Variants in CNNM2 observed in about 807,000 individuals in gnomAD.
The protein encoded by CNNM2 is cyclin and CBS domain divalent metal cation transport mediator 2, also known as metal transporter CNNM2.
CNNM2 carries 12 observed loss-of-function variants against 66.9 expected under a neutral mutation model. That is an observed-to-expected ratio of 0.18 (90% CI 0.11 to 0.29). The LOEUF (loss-of-function observed/expected upper bound fraction) is 0.29, where lower values mean the gene tolerates loss of function less well. CNNM2 is among the 10% of genes least tolerant of loss of function. The pLI is 1.00. For missense variants in CNNM2, 705 were observed against 1,167.7 expected (o/e 0.60, Z 5.77); for synonymous variants, 557 against 501.8 (o/e 1.11, Z -1.47).
rs66498944 is a variant in CNNM2 at position 102,976,611 on chromosome 10, A to ATTTTTTTTTTTTTTTTTTTTTTTTTT, written c.1621+56513_1621+56538dup. On this transcript the variant is annotated intron_variant, in intron 1 of 7. Transcript: ENST00000369878. ...CAGGTGTGCGCCACACGCCCAGGTAATTTTTTTTTTTTTTTTTTTTTTTTT... is the reference window on the plus strand; with the variant it reads ...CAGGTGTGCGCCACACGCCCAGGTAATTTTTTTTTTTTTTTTTTTTTTTTTTTTTTTTTTTTTTTTTTTTTTTTTTT... Among the ~76,000 whole-genome samples, 25 of 59,442 alleles carry ATTTTTTTTTTTTTTTTTTTTTTTTTT rather than the reference A, an allele frequency of 4.2e-4. 1 individual carries two copies. Among genetic ancestry groups the ATTTTTTTTTTTTTTTTTTTTTTTTTT allele is most frequent in the Non-Finnish European group, 4.6e-4 (15 of 32,936 alleles). The allele number at this position is 59,442 out of a possible 152,430, so 39.0% of individuals were successfully genotyped here. A position where few individuals can be genotyped will look rare whatever the true frequency, so the allele number is the denominator to read the frequency against.
chr10:103,070,760 T>C (rs1357841652), intron 5 of CNNM2, among the ~76,000 whole-genome samples: 1 of 152,248 alleles, frequency 6.6e-6, no homozygotes, highest in East Asian at 1.9e-4. Context: ...TGAAACCCCA[T>C]CTCTACTAAA....
At chr10:103,031,042 G>A (rs2064811001) in intron 1 of CNNM2, among the ~76,000 whole-genome samples, 1 of 152,092 alleles carries the variant, frequency 6.6e-6, no homozygotes, top group South Asian at 2.1e-4. Flanking sequence ...GTAGATTTTA[G>A]GGTTTTCAGT....
chr10:103,076,890 C>A, intron 7 of CNNM2, 81 bp from the exon 8 acceptor site: 1 of 1,271,048 alleles, frequency 7.9e-7, no homozygotes, highest in Non-Finnish European at 1.1e-6. Flanking sequence ...GTGGGCCTGT[C>A]GGGATTGAAC....
intron 1 of CNNM2, among the ~76,000 whole-genome samples, chr10:102,960,646 C>T (rs895981146): frequency 3.3e-5 from 5 of 152,016 alleles, no homozygotes; most frequent in Non-Finnish European, 5.9e-5. Flanking sequence ...GAGACAAGAC[C>T]TCACTTTGTT....
Position 103,084,550 on chromosome 10 carries a change from G to T in CNNM2, c.*7370G>T, listed in dbSNP as rs1203704659. On this transcript the variant is annotated 3_prime_UTR_variant, in exon 8 of 8. Transcript: ENST00000369878. ...CCTCCTGCCTTGGTTTGTTTTTCCT[G>T]TTTTACTCACTTGGTCTAGATGAGC... The T allele has an allele frequency of 6.6e-6, 1 of 152,138 alleles. No individual in the cohort carries two copies. The highest frequency in any genetic ancestry group is 1.5e-5 in the Non-Finnish European group (1 of 68,028). The allele number at this position is 152,138 out of a possible 1,614,324, so 9.4% of individuals were successfully genotyped here.
chr10:103,016,978 CTT>C (rs74439005), intron 1 of CNNM2, among the ~76,000 whole-genome samples: 8 of 142,254 alleles, frequency 5.6e-5, no homozygotes, highest in Admixed American at 7.1e-5. Context: ...GTTTTGTTTC[CTT>C]TTTTTTTTTT....
At chr10:102,939,369 C>A (rs543284893) in intron 1 of CNNM2, among the ~76,000 whole-genome samples, 1 of 152,256 alleles carries the variant, frequency 6.6e-6, no homozygotes, top group South Asian at 2.1e-4. Flanking sequence ...CATCTTTAAT[C>A]CTCTACAATC....
At chr10:102,983,514 CT>C (rs1451668931) in intron 1 of CNNM2, among the ~76,000 whole-genome samples, 5 of 150,928 alleles carry the variant, frequency 3.3e-5, no homozygotes, top group African/African-American at 1.2e-4. Context: ...ACAAAAATTA[CT>C]GCAGCCTTGA....
intron 1 of CNNM2, among the ~76,000 whole-genome samples, chr10:103,007,196 G>T (rs897041274): frequency 1.3e-5 from 2 of 152,152 alleles, no homozygotes; most frequent in African/African-American, 2.4e-5. Context: ...GGGCCTGTAC[G>T]AACAGGGAGT....
rs575938926 is a variant in CNNM2 at position 102,987,737 on chromosome 10, G to A, written c.1622-61970G>A. Among the ~76,000 whole-genome samples, 16 of 152,190 alleles carry A rather than the reference G, an allele frequency of 1.1e-4. No individual in the cohort carries two copies. In the South Asian group the frequency reaches 2.3e-3, roughly 22 times the overall value. On this transcript the variant is annotated intron_variant, in intron 1 of 7. Transcript: ENST00000369878. ...TTTCATAGAATACATAGTCAAAAAT[G>A]GTTTGCAACCTCTGCTCTAACAAAA...
chr10:102,991,492 G>C (rs2063896954), intron 1 of CNNM2, among the ~76,000 whole-genome samples: 1 of 152,136 alleles, frequency 6.6e-6, no homozygotes. Flanking sequence ...GATTTGAACT[G>C]TTCCATCTGC....
intron 1 of CNNM2, among the ~76,000 whole-genome samples, chr10:102,964,919 A>G (rs2063436888): frequency 6.6e-6 from 1 of 152,084 alleles, no homozygotes; most frequent in Admixed American, 6.6e-5. Flanking sequence ...CATGAAAGTG[A>G]TTGAAGCCCT....
In CNNM2 at chr10:102,974,641, A is replaced by G. The variant is rs530107715; in HGVS notation, c.1621+54540A>G. On this transcript the variant is annotated intron_variant, in intron 1 of 7. Transcript: ENST00000369878. ...GGCTGGAGTGCAGTGGTATGATCAC[A>G]GCTCACTTCAGCCCTGCCAGTAGCT... 1.6e-4 allele frequency among the ~76,000 whole-genome samples: 25 copies of G among 152,034 alleles called. No individual in the cohort carries two copies. In the South Asian group the frequency reaches 5.2e-3, roughly 32 times the overall value.
chr10:102,978,825 A>C (rs2063677601), intron 1 of CNNM2, among the ~76,000 whole-genome samples: 1 of 152,168 alleles, frequency 6.6e-6, no homozygotes, highest in Non-Finnish European at 1.5e-5. Context: ...AACATAGGTC[A>C]GTTTTGTTGT....
intron 1 of CNNM2, among the ~76,000 whole-genome samples, chr10:102,952,425 G>A (rs556549769): frequency 1.3e-5 from 2 of 151,876 alleles, no homozygotes; most frequent in Admixed American, 6.6e-5. Context: ...TTGGCTGGGC[G>A]TGGTGGCGGG....
chr10:102,959,837 G>A (rs1016412835), intron 1 of CNNM2, among the ~76,000 whole-genome samples: 1 of 152,170 alleles, frequency 6.6e-6, no homozygotes, highest in Non-Finnish European at 1.5e-5. Flanking sequence ...TGGATTACGA[G>A]GTCAGGAGAT....
intron 1 of CNNM2, among the ~76,000 whole-genome samples, chr10:103,045,944 C>T (rs1479792085): frequency 6.6e-6 from 1 of 152,210 alleles, no homozygotes; most frequent in Non-Finnish European, 1.5e-5. Flanking sequence ...TGTGCCCTGC[C>T]TGAGGTGCAT....
chr10:102,965,966 A>C (rs1003461241), intron 1 of CNNM2, among the ~76,000 whole-genome samples: 5 of 152,174 alleles, frequency 3.3e-5, no homozygotes, highest in Non-Finnish European at 5.9e-5. Context: ...CTGAGTCTTC[A>C]TCTTAACCAA....
At chr10:103,033,823 T>A (rs1419161286) in intron 1 of CNNM2, among the ~76,000 whole-genome samples, 3 of 152,174 alleles carry the variant, frequency 2.0e-5, no homozygotes, top group African/African-American at 7.2e-5. Context: ...GGAAAGTAGA[T>A]CATGGGAATG....
Sources: gnomAD v4.1 joint callset for allele counts (sites outside exome capture counted in the v4.1 genomes callset) on GRCh38, gnomAD v4.1.1 for gene constraint, MANE v1.5 for transcripts, NCBI Gene and HGNC (gene_info 2026-07-23, HGNC 2026-07-21) for gene names.